Variants in POLA1 observed in about 807,000 individuals in gnomAD.
POLA1 encodes the protein DNA polymerase alpha 1, catalytic subunit, also known as DNA polymerase alpha catalytic subunit.
Under a neutral mutation model 124.0 loss-of-function variants are expected in POLA1, and 15 were observed. The observed-to-expected ratio is 0.12, with a 90% confidence interval of 0.08 to 0.19. The LOEUF is 0.19. POLA1 is among the 10% of genes least tolerant of loss of function. POLA1 has a pLI of 1.00. For missense variants in POLA1, 886 were observed against 1,103.4 expected, an observed-to-expected ratio of 0.80 and a Z score of 2.79; for synonymous variants, 408 against 389.4, an observed-to-expected ratio of 1.05 and a Z score of -0.56.
At chrX:24,752,531 A>G (rs965286161) in intron 26 of POLA1, among the ~76,000 whole-genome samples, 10 of 112,295 alleles carry the variant, frequency 8.9e-5, no homozygotes, top group Non-Finnish European at 1.9e-4. Context: ...GAGTGGACAT[A>G]TATTTTTAAA....
At chrX:24,936,830 C>G (rs2047855016) in intron 36 of POLA1, among the ~76,000 whole-genome samples, 1 of 112,168 alleles carries the variant, frequency 8.9e-6, no homozygotes, top group Non-Finnish European at 1.9e-5. Context: ...CGTGCCCGGC[C>G]TGGTTGTGTT....
At chrX:24,782,626 T>A (rs755120212) in intron 26 of POLA1, among the ~76,000 whole-genome samples, 48 of 111,060 alleles carry the variant, frequency 4.3e-4, no homozygotes, top group Non-Finnish European at 8.7e-4. Flanking sequence ...GGTATCATTT[T>A]TTTCCCCCTT....
Position 24,726,936 on chromosome X carries a change from G to A in POLA1, c.1396G>A (p.Glu466Lys). ...SEYLEVKYSA[E>K]MPQLPQDLKG... ...CTTTTTTTTTTTCCTTTTTCAGGCT[G>A]AAATGCCACAGCTTCCTCAAGATTT... Residue 466 changes from glutamate (E) to lysine (K), a missense_variant, in exon 14 of 37, where the codon GAA becomes AAA. By Grantham distance (56) the Glu-to-Lys change is moderately conservative. This residue lies in a region of POLA1 where 337 missense variants were observed against 402.8 expected (regional missense o/e 0.84). Transcript: ENST00000379068. The A allele has an allele frequency of 1.7e-6, 2 of 1,169,068 alleles. No individual in the cohort carries two copies. The highest frequency in any genetic ancestry group is 2.3e-6 in the Non-Finnish European group (2 of 874,760).
intron 34 of POLA1, among the ~76,000 whole-genome samples, chrX:24,866,214 G>A (rs915606205): frequency 5.4e-5 from 6 of 111,945 alleles, no homozygotes; most frequent in Admixed American, 9.5e-5. Context: ...AATTGTGTGC[G>A]TGTGTGTTTT....
intron 30 of POLA1, among the ~76,000 whole-genome samples, chrX:24,818,614 GAGCTCGTGTTGATGTGGTTT>G (rs1310302367): frequency 8.9e-6 from 1 of 111,913 alleles, no homozygotes; most frequent in Non-Finnish European, 1.9e-5. Context: ...AAGACCCCAA[GAGCTCGTGTTGATGTGGTTT>G]ATCTCGATAT....
At chrX:24,704,267 C>T (rs770899737) in intron 3 of POLA1, 122 bp from the exon 4 acceptor site, 17 of 521,212 alleles carry the variant, frequency 3.3e-5, no homozygotes, top group Non-Finnish European at 5.4e-5. Flanking sequence ...TTCTGCTGCA[C>T]TTAAAAATAG....
At chrX:24,901,756 G>A (rs1247540124) in intron 35 of POLA1, among the ~76,000 whole-genome samples, 2 of 111,542 alleles carry the variant, frequency 1.8e-5, no homozygotes, top group African/African-American at 3.3e-5. Context: ...CCCCTGTGAC[G>A]TTATATAGAA....
intron 34 of POLA1, among the ~76,000 whole-genome samples, chrX:24,861,329 G>T (rs947214062): frequency 9.0e-6 from 1 of 111,725 alleles, no homozygotes; most frequent in Non-Finnish European, 1.9e-5. Flanking sequence ...ATGGGCTTTC[G>T]CCATGTTTCC....
At position 24,888,077 on chromosome X, in the gene POLA1, T is replaced by G. The variant is rs2047088545; in HGVS notation, c.4119T>G (p.Thr1373=). 8.3e-7 allele frequency: 1 copy of G among 1,204,819 alleles called. No homozygotes were observed. Residue 1373 remains threonine, a synonymous_variant, in exon 35 of 37, where the codon ACT becomes ACG. Coordinates refer to ENST00000379068, the MANE Select transcript of POLA1 (RefSeq NM_001330360.2). ...TRHLPLQFSR[T]GPLCPACMKA... The stretch of plus-strand genomic sequence containing the variant: ...ACCTTCCCCTTCAATTCTCCCGAAC[T>G]GGGCCTCTTTGCCCAGCCTGCATGA...
At chrX:24,880,714 A>G (rs1457714394) in intron 34 of POLA1, among the ~76,000 whole-genome samples, 1 of 111,749 alleles carries the variant, frequency 8.9e-6, no homozygotes, top group Non-Finnish European at 1.9e-5. Flanking sequence ...CATACTGTGC[A>G]CTATCTATAA....
At chrX:24,815,842 C>T (rs986287906) in intron 30 of POLA1, among the ~76,000 whole-genome samples, 3 of 111,890 alleles carry the variant, frequency 2.7e-5, no homozygotes, top group African/African-American at 9.7e-5. Flanking sequence ...ATTCATAGTA[C>T]TCTGTGCTAA....
At chrX:24,850,224 C>G (rs750659414) in intron 34 of POLA1, among the ~76,000 whole-genome samples, 15 of 112,429 alleles carry the variant, frequency 1.3e-4, no homozygotes, top group African/African-American at 4.2e-4. Context: ...ATGGCATGTT[C>G]TCACAGAAAA....
At chrX:24,819,660 TA>T (rs1463727599) in intron 30 of POLA1, among the ~76,000 whole-genome samples, 1 of 111,609 alleles carries the variant, frequency 9.0e-6, no homozygotes, top group Admixed American at 9.5e-5. Flanking sequence ...TATTTTACTT[TA>T]AATCCTGGGA....
At chrX:24,989,761 G>A (rs2048515101) in intron 36 of POLA1, among the ~76,000 whole-genome samples, 1 of 110,442 alleles carries the variant, frequency 9.1e-6, no homozygotes, top group Non-Finnish European at 1.9e-5. Flanking sequence ...GGGGGGTGGG[G>A]GTGGGTGATG....
intron 30 of POLA1, among the ~76,000 whole-genome samples, chrX:24,815,559 A>G (rs2045978536): frequency 8.9e-6 from 1 of 111,862 alleles, no homozygotes; most frequent in South Asian, 3.7e-4. Context: ...TTTGGGGACA[A>G]AAGTTATTTA....
At chrX:24,894,979 G>T (rs750449527) in intron 35 of POLA1, among the ~76,000 whole-genome samples, 2 of 109,914 alleles carry the variant, frequency 1.8e-5, no homozygotes, top group African/African-American at 6.6e-5. Flanking sequence ...TTGCCATGTT[G>T]CCCAGGCAGG....
At chrX:24,801,920 G>GTGTGTGTGTGTGTGTGTGTGTGT in intron 26 of POLA1, among the ~76,000 whole-genome samples, 1 of 47,520 alleles carries the variant, frequency 2.1e-5, no homozygotes, top group African/African-American at 1.1e-4. Context: ...AGGAGAGGTG[G>GTGTGTGTGTGTGTGTGTGTGTGT]GTGGGTGTGT....
chrX:24,700,595 A>G (rs1928346177), intron 2 of POLA1, among the ~76,000 whole-genome samples: 1 of 111,467 alleles, frequency 9.0e-6, no homozygotes, highest in African/African-American at 3.3e-5. Flanking sequence ...TGCAGCTTCC[A>G]CCTCCCAGGT....
At chrX:24,702,954 A>G (rs1342439659) in intron 2 of POLA1, among the ~76,000 whole-genome samples, 2 of 112,401 alleles carry the variant, frequency 1.8e-5, no homozygotes, top group Non-Finnish European at 3.8e-5. Context: ...AGAATTGGCT[A>G]TAATTCAGTT....
Sources: allele counts gnomAD v4.1 joint callset (sites outside exome capture counted in the v4.1 genomes callset), GRCh38; gene constraint gnomAD v4.1.1; regional missense constraint gnomAD v4.1.1; transcripts MANE v1.5; gene names NCBI Gene and HGNC (gene_info 2026-07-23, HGNC 2026-07-21).